FGD3: variants seen among roughly 807,000 people sequenced by gnomAD.
FGD3 encodes FYVE, RhoGEF and PH domain containing 3, also known as FYVE, RhoGEF and PH domain-containing protein 3.
Under a neutral mutation model 71.8 loss-of-function variants are expected in FGD3, and 45 were observed. The ratio of observed to expected loss-of-function variants is 0.63; its 90% confidence interval spans 0.49 to 0.80. The LOEUF is 0.80. FGD3 is among the 30% of genes least tolerant of loss of function. FGD3 has a pLI of 0.00. For missense variants in FGD3, 844 were observed against 951.5 expected, an observed-to-expected ratio of 0.89 and a Z score of 1.49; for synonymous variants, 378 against 392.8, an observed-to-expected ratio of 0.96 and a Z score of 0.44.
chr9:92,991,375 G>A (rs994676443), intron 3 of FGD3, among the ~76,000 whole-genome samples: 8 of 152,016 alleles, frequency 5.3e-5, no homozygotes, highest in African/African-American at 9.7e-5. Flanking sequence ...CATTGCACCC[G>A]GCCCTTAAAT....
intron 1 of FGD3, chr9:92,964,052 G>A (rs1224532600): frequency 6.6e-6 from 1 of 152,400 alleles, no homozygotes; most frequent in African/African-American, 2.4e-5. Context: ...GGTGGTTGTG[G>A]GTCCTCTGTG....
intron 15 of FGD3, among the ~76,000 whole-genome samples, chr9:93,032,205 G>A (rs1357741817): frequency 6.6e-6 from 1 of 152,156 alleles, no homozygotes; most frequent in African/African-American, 2.4e-5. Context: ...GTTCTTGTGG[G>A]TACATACCCC....
At position 93,035,958 on chromosome 9, in the gene FGD3, C is replaced by A; in HGVS notation, c.*369C>A. 4.4e-6 allele frequency: 1 copy of A among 225,710 alleles called. No homozygotes were observed. Among genetic ancestry groups the A allele is most frequent in the Non-Finnish European group, 8.7e-6 (1 of 115,090 alleles). The allele number at this position is 225,710 out of a possible 1,614,324, so 14.0% of individuals were successfully genotyped here. A position where few individuals can be genotyped will look rare whatever the true frequency, so the allele number is the denominator to read the frequency against. On this transcript the variant is annotated 3_prime_UTR_variant, in exon 18 of 18. Coordinates refer to ENST00000375482, the MANE Select transcript of FGD3 (RefSeq NM_001083536.2). ...CATCCTGCTGGTCTGCAGCGTGGTC[C>A]ACCCCGCCTCTGCCCAGCCTGTCTA...
chr9:93,018,109 C>T (rs1395099948), intron 10 of FGD3, 27 bp from the exon 11 acceptor site: 1 of 1,610,156 alleles, frequency 6.2e-7, no homozygotes, highest in Non-Finnish European at 8.5e-7. Context: ...CTTGGGTTTG[C>T]TTTGTTCTTT....
intron 3 of FGD3, among the ~76,000 whole-genome samples, chr9:92,978,924 A>C (rs1292226380): frequency 1.3e-5 from 2 of 150,738 alleles, no homozygotes; most frequent in African/African-American, 4.9e-5. Context: ...GTGAGCCACC[A>C]TGCCAAGCAC....
Position 93,022,235 on chromosome 9 carries a change from A to C in FGD3, c.1495-92A>C, listed in dbSNP as rs191472838. The C allele has an allele frequency of 3.4e-5, 44 of 1,277,432 alleles. No individual in the cohort carries two copies. In the East Asian group the frequency reaches 1.0e-3, roughly 30 times the overall value. The allele number at this position is 1,277,432 out of a possible 1,614,324, so 79.1% of individuals were successfully genotyped here. A position where few individuals can be genotyped will look rare whatever the true frequency, so the allele number is the denominator to read the frequency against. ...TCCCGAGCCTGCCCTCAATGCACAG[A>C]GGTGCTGGGGGCTTCAGGAACTGTC... On this transcript the variant is annotated intron_variant, in intron 13 of 17. Coordinates refer to ENST00000375482, the MANE Select transcript of FGD3 (RefSeq NM_001083536.2).
chr9:92,973,893 G>T (rs1316618439), intron 1 of FGD3, among the ~76,000 whole-genome samples: 1 of 152,096 alleles, frequency 6.6e-6, no homozygotes, highest in Non-Finnish European at 1.5e-5. Context: ...TTAGTCTTCT[G>T]GGCCTCCCAG....
chr9:92,983,906 G>T (rs889412431), intron 3 of FGD3, among the ~76,000 whole-genome samples: 2 of 150,796 alleles, frequency 1.3e-5, no homozygotes, highest in African/African-American at 4.9e-5. Flanking sequence ...AGCACATTCT[G>T]CTTTCCCTAC....
At chr9:92,979,798 CA>C (rs1485785900) in intron 3 of FGD3, among the ~76,000 whole-genome samples, 4 of 152,132 alleles carry the variant, frequency 2.6e-5, no homozygotes, top group Non-Finnish European at 4.4e-5. Flanking sequence ...ATTGCTCTTT[CA>C]AATTTTCTAT....
At chr9:92,971,662 G>A (rs1006355459) in intron 1 of FGD3, among the ~76,000 whole-genome samples, 14 of 126,018 alleles carry the variant, frequency 1.1e-4, no homozygotes, top group African/African-American at 4.2e-4. Context: ...TGCAACCTCC[G>A]CCTCCAGGGT....
intron 10 of FGD3, 107 bp downstream of exon 10, chr9:93,015,936 C>A: frequency 1.1e-6 from 1 of 948,952 alleles, no homozygotes; most frequent in Non-Finnish European, 1.7e-6. Flanking sequence ...TGCAGCCTGG[C>A]ACCCCTACCT....
At chr9:92,973,424 T>C (rs573217053) in intron 1 of FGD3, among the ~76,000 whole-genome samples, 20 of 152,180 alleles carry the variant, frequency 1.3e-4, no homozygotes, top group Non-Finnish European at 2.1e-4. Context: ...CTCTGCCTGG[T>C]GATTTTTGAT....
At chr9:93,019,066 C>T (rs1304886910) in intron 11 of FGD3, among the ~76,000 whole-genome samples, 3 of 152,108 alleles carry the variant, frequency 2.0e-5, no homozygotes, top group Non-Finnish European at 4.4e-5. Flanking sequence ...CCAGGCTGGT[C>T]TCGAACTCTT....
chr9:92,976,759 G>C (rs772435220), intron 3 of FGD3, 50 bp downstream of exon 3: 4 of 1,493,048 alleles, frequency 2.7e-6, no homozygotes, highest in Non-Finnish European at 3.6e-6. Context: ...CCTTTCCTTA[G>C]GAGGGGTTTG....
At chr9:92,997,899 A>G (rs1422555576) in intron 3 of FGD3, among the ~76,000 whole-genome samples, 1 of 152,118 alleles carries the variant, frequency 6.6e-6, no homozygotes, top group East Asian at 1.9e-4. Context: ...GCTGCCCTTA[A>G]CATTTTTTCC....
In FGD3 at chr9:93,013,890, G is replaced by A; in HGVS notation, c.1074G>A (p.Leu358=). The A allele has an allele frequency of 6.2e-7, 1 of 1,612,682 alleles. No individual in the cohort carries two copies. The highest frequency in any genetic ancestry group is 8.5e-7 in the Non-Finnish European group (1 of 1,179,526). Residue 358 remains leucine (L), a synonymous_variant, in exon 9 of 18, where the codon CTG becomes CTA. Transcript: ENST00000375482. ...AGCTCTTGGAGGTGTACGAGCAGCT[G>A]GGTGGGGAAGAAGACATTGTCAACC... ...MHKLLEVYEQ[L]GGEEDIVNPA...
Position 93,032,804 on chromosome 9 carries a change from G to A in FGD3, c.1716G>A (p.Glu572=). ...GGAAGTGCTCCGAGTTCAAGGCCGA[G>A]AACAGCCGGCAGAGCCGTGTCTGCA... ...ICGKCSEFKA[E]NSRQSRVCRD... Residue 572 remains glutamate, a synonymous_variant, in exon 16 of 18, where the codon GAG becomes GAA. Coordinates refer to ENST00000375482, the MANE Select transcript of FGD3 (RefSeq NM_001083536.2). 1 of 1,614,230 alleles carries A rather than the reference G, an allele frequency of 6.2e-7. No homozygotes were observed. The highest frequency in any genetic ancestry group is 8.5e-7 in the Non-Finnish European group (1 of 1,180,032).
At chr9:93,011,475 T>C (rs979921635) in intron 8 of FGD3, among the ~76,000 whole-genome samples, 2 of 152,204 alleles carry the variant, frequency 1.3e-5, no homozygotes, top group East Asian at 3.9e-4. Context: ...CTTGGTGAGT[T>C]ATTTAGCACT....
intron 17 of FGD3, 103 bp downstream of exon 17, chr9:93,034,784 G>C: frequency 7.5e-6 from 10 of 1,326,254 alleles, no homozygotes; most frequent in Non-Finnish European, 7.2e-6. Context: ...CCACCTGCTT[G>C]AGCAGTGTTA....
Sources: gnomAD v4.1 joint callset for allele counts (sites outside exome capture counted in the v4.1 genomes callset) on GRCh38, gnomAD v4.1.1 for gene constraint, MANE v1.5 for transcripts, NCBI Gene and HGNC (gene_info 2026-07-23, HGNC 2026-07-21) for gene names.